Variants in TAFA2 observed in about 807,000 individuals in gnomAD.
TAFA2 encodes chemokine-like protein TAFA-2.
In TAFA2, 7 loss-of-function variants were observed where a neutral mutation model predicts 18.8. That is an observed-to-expected ratio of 0.37 (90% CI 0.21 to 0.70). The LOEUF is 0.70. Among genes scored for constraint, TAFA2 ranks in the 30% least tolerant of loss-of-function variants. TAFA2 has a pLI of 0.53. For missense variants in TAFA2, 122 were observed against 158.1 expected, an observed-to-expected ratio of 0.77 and a Z score of 1.23; for synonymous variants, 60 against 54.2, an observed-to-expected ratio of 1.11 and a Z score of -0.47.
chr12:62,240,434 A>T (rs1356028124), intron 1 of TAFA2, among the ~76,000 whole-genome samples: 1 of 150,148 alleles, frequency 6.7e-6, no homozygotes, highest in Non-Finnish European at 1.5e-5. Flanking sequence ...AAAAAAAAAA[A>T]CTAACAATAA....
chr12:61,781,274 G>A (rs1565631549), intron 2 of TAFA2, among the ~76,000 whole-genome samples: 1 of 151,750 alleles, frequency 6.6e-6, no homozygotes, highest in South Asian at 2.1e-4. Flanking sequence ...TAAAAGGCAG[G>A]AGAATGAGGG....
intron 1 of TAFA2, among the ~76,000 whole-genome samples, chr12:62,072,108 A>G (rs17656359): frequency 0.1 from 15,216 of 152,176 alleles, 965 homozygotes; most frequent in Non-Finnish European, 0.14. Flanking sequence ...GGTAAAGTAA[A>G]ATGTAAAATG....
intron 1 of TAFA2, among the ~76,000 whole-genome samples, chr12:62,205,372 C>A (rs1367229995): frequency 1.3e-5 from 2 of 152,258 alleles, no homozygotes; most frequent in African/African-American, 4.8e-5. Context: ...GGGTGCACTG[C>A]ACAGGGGGAA....
chr12:61,937,326 A>T (rs984987243), intron 1 of TAFA2, among the ~76,000 whole-genome samples: 2 of 152,170 alleles, frequency 1.3e-5, no homozygotes, highest in Non-Finnish European at 2.9e-5. Context: ...TATGGAACCA[A>T]AAAAGAGCCC....
chr12:61,782,814 A>T (rs1162125643), intron 2 of TAFA2, among the ~76,000 whole-genome samples: 1 of 151,816 alleles, frequency 6.6e-6, no homozygotes, highest in Admixed American at 6.6e-5. Context: ...TAAAGTTGAC[A>T]TTATAGGTAA....
intron 2 of TAFA2, among the ~76,000 whole-genome samples, chr12:61,773,036 A>G (rs1354063809): frequency 6.6e-6 from 1 of 152,052 alleles, no homozygotes; most frequent in South Asian, 2.1e-4. Context: ...ATGTACACAA[A>G]TCAGTAGCAC....
chr12:61,867,159 C>T (rs77415160), intron 2 of TAFA2, among the ~76,000 whole-genome samples, 161 bp downstream of exon 2: 3,517 of 152,056 alleles, frequency 0.023, 142 homozygotes, highest in African/African-American at 0.08. Flanking sequence ...TCTATCAAAG[C>T]CATCTTAAAG....
At chr12:61,952,371 T>G (rs2710790) in intron 1 of TAFA2, among the ~76,000 whole-genome samples, 104,821 of 152,042 alleles carry the variant, frequency 0.69, 38,368 homozygotes, top group South Asian at 0.86. Flanking sequence ...TACTGAAGGT[T>G]TATATCAAAC....
At chr12:61,746,943 G>A (rs1192947793) in intron 4 of TAFA2, among the ~76,000 whole-genome samples, 2 of 151,898 alleles carry the variant, frequency 1.3e-5, no homozygotes, top group Non-Finnish European at 2.9e-5. Flanking sequence ...CTACAAAATG[G>A]GAGAAAATTT....
At chr12:62,226,191 ACT>A (rs1467568846) in intron 1 of TAFA2, among the ~76,000 whole-genome samples, 1 of 135,428 alleles carries the variant, frequency 7.4e-6, no homozygotes, top group East Asian at 2.1e-4. Context: ...TCTCTTGATT[ACT>A]CTTTTTTTTT....
chr12:62,222,022 T>A (rs905012595), intron 1 of TAFA2, among the ~76,000 whole-genome samples: 1 of 151,272 alleles, frequency 6.6e-6, no homozygotes, highest in Non-Finnish European at 1.5e-5. Context: ...AAGCAAAGAG[T>A]CTAAGAAGAT....
At chr12:61,818,506 C>G (rs1251022034) in intron 2 of TAFA2, among the ~76,000 whole-genome samples, 5 of 151,720 alleles carry the variant, frequency 3.3e-5, no homozygotes, top group Non-Finnish European at 7.4e-5. Context: ...CACACACACA[C>G]ACACACACAC....
At chr12:61,860,733 C>A (rs963113748) in intron 2 of TAFA2, among the ~76,000 whole-genome samples, 15 of 152,188 alleles carry the variant, frequency 9.9e-5, no homozygotes, top group African/African-American at 3.6e-4. Flanking sequence ...CCTCTGTCTT[C>A]ATTCAGATCT....
At chr12:61,876,511 G>A (rs1312695455) in intron 1 of TAFA2, among the ~76,000 whole-genome samples, 3 of 152,116 alleles carry the variant, frequency 2.0e-5, no homozygotes, top group Admixed American at 6.5e-5. Flanking sequence ...GCATTCAAGA[G>A]AGCAAAACAG....
At chr12:62,080,957 G>A (rs1231821508) in intron 1 of TAFA2, among the ~76,000 whole-genome samples, 1 of 152,182 alleles carries the variant, frequency 6.6e-6, no homozygotes, top group Non-Finnish European at 1.5e-5. Flanking sequence ...CACTTTGGGA[G>A]GCCAAGGCGG....
chr12:61,906,404 T>C (rs949208900), intron 1 of TAFA2, among the ~76,000 whole-genome samples: 1 of 152,190 alleles, frequency 6.6e-6, no homozygotes, highest in African/African-American at 2.4e-5. Flanking sequence ...CTCTCTTGCC[T>C]GCTGCCATGT....
chr12:62,120,146 A>G (rs1263665176), intron 1 of TAFA2, among the ~76,000 whole-genome samples: 3 of 152,174 alleles, frequency 2.0e-5, no homozygotes, highest in African/African-American at 7.2e-5. Flanking sequence ...ACTATGAGAA[A>G]GTGCTGTGCT....
intron 1 of TAFA2, among the ~76,000 whole-genome samples, chr12:61,940,138 T>A (rs1293107001): frequency 6.6e-6 from 1 of 152,168 alleles, no homozygotes; most frequent in Non-Finnish European, 1.5e-5. Context: ...CCTTATAGTA[T>A]GGGAAGATAG....
At chr12:62,007,104 C>G (rs1024124034) in intron 1 of TAFA2, among the ~76,000 whole-genome samples, 1 of 152,088 alleles carries the variant, frequency 6.6e-6, no homozygotes, top group Non-Finnish European at 1.5e-5. Context: ...TTCTTCCTGG[C>G]CCCCATGCTC....
Sources: gnomAD v4.1 joint callset for allele counts (sites outside exome capture counted in the v4.1 genomes callset) on GRCh38, gnomAD v4.1.1 for gene constraint, MANE v1.5 for transcripts, NCBI Gene and HGNC (gene_info 2026-07-23, HGNC 2026-07-21) for gene names.